The following TRAPPC9 variants were observed in gnomAD, a reference collection of about 807,000 sequenced individuals.
The protein encoded by TRAPPC9 is trafficking protein particle complex subunit 9, also known as IKK2 binding protein.
Under a neutral mutation model 124.0 loss-of-function variants are expected in TRAPPC9, and 83 were observed. The ratio of observed to expected loss-of-function variants is 0.67; its 90% confidence interval spans 0.56 to 0.80. TRAPPC9 has a LOEUF of 0.80. Among genes scored for constraint, TRAPPC9 ranks in the 30% least tolerant of loss-of-function variants. TRAPPC9 has a pLI of 0.00. For missense variants in TRAPPC9, 1,302 were observed against 1,508.3 expected, an observed-to-expected ratio of 0.86 and a Z score of 2.27; for synonymous variants, 638 against 617.5, an observed-to-expected ratio of 1.03 and a Z score of -0.49.
At chr8:140,181,849 G>A (rs907071248) in intron 17 of TRAPPC9, among the ~76,000 whole-genome samples, 9 of 152,052 alleles carry the variant, frequency 5.9e-5, no homozygotes, top group Admixed American at 5.9e-4. Flanking sequence ...CTTCTTATGG[G>A]AAGTCCATGT....
intron 15 of TRAPPC9, among the ~76,000 whole-genome samples, chr8:140,274,780 G>A (rs1472770643): frequency 1.3e-5 from 2 of 152,120 alleles, no homozygotes; most frequent in Non-Finnish European, 2.9e-5. Context: ...TGGGGAGGGA[G>A]CCCTCTGCCA....
At chr8:140,165,702 G>C (rs955583583) in intron 17 of TRAPPC9, among the ~76,000 whole-genome samples, 19 of 152,070 alleles carry the variant, frequency 1.2e-4, no homozygotes, top group African/African-American at 4.6e-4. Flanking sequence ...TGACTGATGA[G>C]GAAGCTGAAG....
In TRAPPC9 at chr8:140,388,747, C is replaced by CT. The variant is rs536495119; in HGVS notation, c.1134+8872dup. ...CCTGTAATCCCAGCTACTTGGGAGGCTGAGGTGGAAGAATTGCTTGAACCT... is the reference window on the plus strand; with the variant it reads ...CCTGTAATCCCAGCTACTTGGGAGGCTTGAGGTGGAAGAATTGCTTGAACCT... On this transcript the variant is annotated intron_variant, in intron 7 of 22. Coordinates refer to ENST00000438773, the MANE Select transcript of TRAPPC9 (RefSeq NM_001160372.4). Among the ~76,000 whole-genome samples, 488 of 149,670 alleles carry CT rather than the reference C, an allele frequency of 3.3e-3. 3 individuals carry two copies. The highest frequency in any genetic ancestry group is 4.8e-3 in the Admixed American group (72 of 14,922).
Position 139,738,655 on chromosome 8 carries a change from C to T in TRAPPC9, c.3056-6453G>A, listed in dbSNP as rs925337658. On this transcript the variant is annotated intron_variant, in intron 21 of 22. Transcript: ENST00000438773. ...GACTCTGGACCCCAGAACCACACGG[C>T]GGGGTTATGTGCTGTTTAAGCCACT... 9.2e-5 allele frequency among the ~76,000 whole-genome samples: 14 copies of T among 152,184 alleles called. 1 individual carries two copies. The highest frequency in any genetic ancestry group is 7.2e-4 in the Admixed American group (11 of 15,282).
intron 20 of TRAPPC9, among the ~76,000 whole-genome samples, chr8:139,894,662 C>T (rs1047508505): frequency 6.6e-6 from 1 of 152,226 alleles, no homozygotes; most frequent in African/African-American, 2.4e-5. Flanking sequence ...CCACTCCTGA[C>T]CAGACCCCTG....
chr8:140,374,881 T>A (rs189738549), intron 7 of TRAPPC9, among the ~76,000 whole-genome samples: 4 of 152,330 alleles, frequency 2.6e-5, no homozygotes, highest in Admixed American at 2.6e-4. Context: ...AATAATACTA[T>A]GATCAGTAAT....
At chr8:140,065,563 A>G (rs1022189250) in intron 17 of TRAPPC9, among the ~76,000 whole-genome samples, 1 of 152,106 alleles carries the variant, frequency 6.6e-6, no homozygotes, top group African/African-American at 2.4e-5. Context: ...TAAAGCCAAC[A>G]CTCATTTCCC....
chr8:140,050,627 CT>C (rs1351443369), intron 17 of TRAPPC9, among the ~76,000 whole-genome samples: 4 of 152,196 alleles, frequency 2.6e-5, no homozygotes, highest in African/African-American at 4.8e-5. Context: ...GACACCCTTC[CT>C]CATCCCCAGC....
rs186389820 is a variant in TRAPPC9 at position 139,978,760 on chromosome 8, C to T, written c.2810+9966G>A. ...ATGCCCTTTCACTCGGGCACCTTCA[C>T]GGAAGTTGCCCAGGCCTGAGGCGGG... On this transcript the variant is annotated intron_variant, in intron 19 of 22. Transcript: ENST00000438773. Among the ~76,000 whole-genome samples the T allele has an allele frequency of 4.1e-4, 62 of 152,346 alleles. 1 individual carries two copies. Among genetic ancestry groups the T allele is most frequent in the Admixed American group, 3.4e-3 (52 of 15,298 alleles).
rs2060634162 is a variant in TRAPPC9, at chr8:140,104,738, T to TA, written c.2557-80660dup. On this transcript the variant is annotated intron_variant, in intron 17 of 22. Transcript: ENST00000438773. This position sits in a 1 kb window ranked among gnomAD's most constrained non-coding sequence, Gnocchi z 4.0. ...GCACCAGGCCCGGACCAGCTGTAGTTACCCAGCTAACAGAAGAACGGTTCA... is the reference window on the plus strand; with the variant it reads ...GCACCAGGCCCGGACCAGCTGTAGTTAACCCAGCTAACAGAAGAACGGTTCA... Among the ~76,000 whole-genome samples, 1 of 152,196 alleles carries TA rather than the reference T, an allele frequency of 6.6e-6. No homozygotes were observed. Among genetic ancestry groups the TA allele is most frequent in the Admixed American group, 6.5e-5 (1 of 15,278 alleles).
Position 139,816,736 on chromosome 8 carries a change from C to T in TRAPPC9, c.3055+69143G>A, listed in dbSNP as rs1028605901. Among the ~76,000 whole-genome samples the T allele has an allele frequency of 7.4e-4, 112 of 152,216 alleles. 1 individual carries two copies. The highest frequency in any genetic ancestry group is 2.5e-3 in the African/African-American group (104 of 41,516). On this transcript the variant is annotated intron_variant, in intron 21 of 22. Transcript: ENST00000438773. ...AAAATGGAAGGGCATCTGTCATGAC[C>T]TCTGCAATGCCAAGCGACCCTTCCT...
chr8:140,022,444 C>G (rs556639664), intron 18 of TRAPPC9, among the ~76,000 whole-genome samples: 3 of 152,188 alleles, frequency 2.0e-5, no homozygotes, highest in South Asian at 2.1e-4. Flanking sequence ...TTCCAAACCT[C>G]TGTGTGCAGC....
At chr8:140,110,972 C>T (rs2060764868) in intron 17 of TRAPPC9, among the ~76,000 whole-genome samples, 1 of 119,436 alleles carries the variant, frequency 8.4e-6, no homozygotes, top group Non-Finnish European at 1.7e-5. Flanking sequence ...GCAGCCCCTG[C>T]AGCAGCTCCC....
chr8:140,300,537 G>T lies in TRAPPC9; in HGVS notation c.1700C>A (p.Thr567Asn), dbSNP rs771853683. 2.5e-6 allele frequency: 4 copies of T among 1,614,232 alleles called. No homozygotes were observed. The highest frequency in any genetic ancestry group is 3.4e-6 in the Non-Finnish European group (4 of 1,180,042). The change falls in exon 11 of 23, where the codon ACC becomes AAC. Residue 567 changes from threonine (T) to asparagine (N), a missense_variant. Coordinates refer to ENST00000438773, the MANE Select transcript of TRAPPC9 (RefSeq NM_001160372.4). ...MKSLLGQNVS[T>N]KSPFIYSPII... ...TGGTGAATAGATGAAAGGACTTTTG[G>T]TTGACACGTTCTGACCCAGCAAGCT...
chr8:140,325,194 G>A (rs996953643), intron 9 of TRAPPC9, among the ~76,000 whole-genome samples: 1 of 152,190 alleles, frequency 6.6e-6, no homozygotes, highest in Non-Finnish European at 1.5e-5. Context: ...AGATGTACCT[G>A]AAGCAGTGCT....
intron 7 of TRAPPC9, among the ~76,000 whole-genome samples, chr8:140,372,610 G>C (rs1204258795): frequency 2.0e-5 from 3 of 152,184 alleles, no homozygotes; most frequent in Non-Finnish European, 4.4e-5. Flanking sequence ...CAAGGTGATG[G>C]AATTAGGAGG....
intron 15 of TRAPPC9, among the ~76,000 whole-genome samples, chr8:140,275,057 A>C (rs930119545): frequency 1.3e-5 from 2 of 152,090 alleles, no homozygotes; most frequent in Non-Finnish European, 2.9e-5. Context: ...CCTTTGATCA[A>C]TGCACTCGCC....
chr8:139,804,994 T>C (rs915536444), intron 21 of TRAPPC9, among the ~76,000 whole-genome samples: 12 of 152,164 alleles, frequency 7.9e-5, no homozygotes, highest in African/African-American at 2.9e-4. Flanking sequence ...ACTCACAGCA[T>C]GTTTCATGCA....
At chr8:140,413,909 A>G (rs1588308923) in intron 5 of TRAPPC9, among the ~76,000 whole-genome samples, 1 of 151,712 alleles carries the variant, frequency 6.6e-6, no homozygotes, top group African/African-American at 2.4e-5. Flanking sequence ...CCAATCTATC[A>G]TTGTTGGACA....
Sources: gnomAD v4.1 joint callset for allele counts (sites outside exome capture counted in the v4.1 genomes callset) on GRCh38, gnomAD v4.1.1 for gene constraint, Gnocchi (gnomAD v3.1) non-coding constraint, MANE v1.5 for transcripts, NCBI Gene and HGNC (gene_info 2026-07-23, HGNC 2026-07-21) for gene names.